The following NAT8L variants were observed in gnomAD, a reference collection of about 807,000 sequenced individuals.
The protein encoded by NAT8L is aspartate N-acetyltransferase, also known as N-acetylaspartate synthetase.
A neutral mutation model predicts 21.2 loss-of-function variants in NAT8L; 6 were observed. The observed-to-expected ratio is 0.28, with a 90% CI of 0.16 to 0.56. The LOEUF is 0.56. Ranked by LOEUF, NAT8L falls within the 20% of genes least tolerant of loss-of-function variation. The pLI, the probability that NAT8L is intolerant of heterozygous loss-of-function variation, is 0.93. For missense variants in NAT8L, 331 were observed against 433.3 expected (o/e 0.76, Z 2.10); for synonymous variants, 239 against 204.9 (o/e 1.17, Z -1.42).
chr4:2,061,220 C>G (rs1340002749), intron 2 of NAT8L, 58 bp downstream of exon 2: 1 of 1,601,188 alleles, frequency 6.2e-7, no homozygotes, highest in African/African-American at 1.3e-5. Context: ...CGGGGGCACG[C>G]ACTCCAGCGA....
In NAT8L at chr4:2,065,656, C is replaced by CGG. The variant is rs1560949698; in HGVS notation, c.*1530_*1531insGG. Reference sequence around the variant, plus strand: ...CAGGGCCATGGAGGGATGCTTCTCACGAGGCGCTTCAGAAGCGAGCGAAGG... The same window carrying CGG: ...CAGGGCCATGGAGGGATGCTTCTCACGGGAGGCGCTTCAGAAGCGAGCGAAGG... On this transcript the variant is annotated 3_prime_UTR_variant, in exon 3 of 3. Coordinates refer to ENST00000423729, the MANE Select transcript of NAT8L (RefSeq NM_178557.4). 6.6e-6 allele frequency: 1 copy of CGG among 152,364 alleles called. No individual in the cohort carries two copies. Among genetic ancestry groups the CGG allele is most frequent in the African/African-American group, 2.4e-5 (1 of 41,420 alleles). The allele number at this position is 152,364 out of a possible 1,614,324, so 9.4% of individuals were successfully genotyped here.
chr4:2,059,741 G>C lies in NAT8L; in HGVS notation c.230G>C (p.Gly77Ala). Residue 77 changes from glycine (G) to alanine (A), a missense_variant, in exon 1 of 3, where the codon GGC becomes GCC. Around this residue, in one of 2 missense-constraint regions of NAT8L, gnomAD observed 199 missense variants for 196.1 expected, o/e 1.01. Coordinates refer to ENST00000423729, the MANE Select transcript of NAT8L (RefSeq NM_178557.4). The surrounding 1 kb of genome is among the most constrained non-coding windows in gnomAD (Gnocchi z 4.8). ...GGCGCGGGGCCGCCGGGGGGGCGCG[G>C]CGTGTGCATCCGCGAGTTCCGTGCG... Reference protein sequence around the residue: ...AGGAGPPGGRGVCIREFRAAE... With the variant: ...AGGAGPPGGRAVCIREFRAAE... The C allele has an allele frequency of 8.2e-7, 1 of 1,225,704 alleles. No homozygotes were observed. The highest frequency in any genetic ancestry group is 1.0e-6 in the Non-Finnish European group (1 of 976,186). 75.9% of individuals were successfully genotyped at this position (1,225,704 alleles called of 1,614,324 possible). A position where few individuals can be genotyped will look rare whatever the true frequency, so the allele number is the denominator to read the frequency against.
In NAT8L at chr4:2,068,394, GTGTA is replaced by G. The variant is rs1375181373; in HGVS notation, c.*4270_*4273del. The stretch of plus-strand genomic sequence containing the variant: ...CATGCACGTGTGTATGAATGTGCGT[GTGTA>G]TGCATGAGCACGTATGCATGTGTGA... On this transcript the variant is annotated 3_prime_UTR_variant, in exon 3 of 3. Transcript: ENST00000423729. 4 of 152,262 alleles carry G rather than the reference GTGTA, an allele frequency of 2.6e-5. No individual in the cohort carries two copies. Among genetic ancestry groups the G allele is most frequent in the Non-Finnish European group, 5.9e-5 (4 of 68,058 alleles). The allele number at this position is 152,262 out of a possible 1,614,324, so 9.4% of individuals were successfully genotyped here. A position where few individuals can be genotyped will look rare whatever the true frequency, so the allele number is the denominator to read the frequency against.
rs368355441 is a variant in NAT8L at position 2,063,965 on chromosome 4, G to A, written c.747G>A (p.Thr249=). ...ACTCCGCGGTGGTGCTGGGCACGAC[G>A]GCCGTCAAGGTGGCCGCCCACAAGC... ...HNYSAVVLGT[T]AVKVAAHKLY... The change falls in exon 3 of 3, where the codon ACG becomes ACA. Residue 249 remains threonine (T), a synonymous_variant. Transcript: ENST00000423729. 56 of 1,611,522 alleles carry A rather than the reference G, an allele frequency of 3.5e-5. No individual in the cohort carries two copies. The highest frequency in any genetic ancestry group is 9.3e-5 in the African/African-American group (7 of 74,920).
Position 2,063,718 on chromosome 4 carries a change from G to A in NAT8L, c.542-42G>A, listed in dbSNP as rs376448395. On this transcript the variant is annotated intron_variant, in intron 2 of 2. Coordinates refer to ENST00000423729, the MANE Select transcript of NAT8L (RefSeq NM_178557.4). ...CCCCAGAGGTGGAGGGGTCTCCCCA[G>A]CCTTCCTCACCGGGTGTCCCTGACC... 2.5e-6 allele frequency: 4 copies of A among 1,605,254 alleles called. No individual in the cohort carries two copies. The African/African-American group carries it at 5.3e-5, about 21-fold the overall frequency.
chr4:2,063,614 G>A lies in NAT8L; in HGVS notation c.542-146G>A, dbSNP rs370998558. 7.9e-5 allele frequency: 115 copies of A among 1,460,370 alleles called. 1 individual carries two copies. Among genetic ancestry groups the A allele is most frequent in the Admixed American group, 4.5e-4 (26 of 57,332 alleles). 90.5% of individuals were successfully genotyped at this position (1,460,370 alleles called of 1,614,324 possible). On this transcript the variant is annotated intron_variant, in intron 2 of 2. Coordinates refer to ENST00000423729, the MANE Select transcript of NAT8L (RefSeq NM_178557.4). ...CCAGCAGAGCTGGTAGCTAGGCCCC[G>A]GGGGCTGCCGGGATTGGGTGTCCCA...
rs879499671 is a variant in NAT8L, at chr4:2,064,179, G to A, written c.*52G>A. 46 of 1,194,510 alleles carry A rather than the reference G, an allele frequency of 3.9e-5. No individual in the cohort carries two copies. The highest frequency in any genetic ancestry group is 8.4e-5 in the East Asian group (2 of 23,892). The allele number at this position is 1,194,510 out of a possible 1,614,324, so 74.0% of individuals were successfully genotyped here. A position where few individuals can be genotyped will look rare whatever the true frequency, so the allele number is the denominator to read the frequency against. On this transcript the variant is annotated 3_prime_UTR_variant, in exon 3 of 3. Coordinates refer to ENST00000423729, the MANE Select transcript of NAT8L (RefSeq NM_178557.4). The stretch of plus-strand genomic sequence containing the variant: ...CCGGCCGCCCTGTCCGCCTTTGCCC[G>A]CCTGCCCGCCGCCCGGCGCGGCCTG...
rs558730343 is a variant in NAT8L at position 2,063,171 on chromosome 4, C to T, written c.542-589C>T. ...CACTTGGATTTATAGGAAAGCTCCTCCTGGGCTGCAGGGAGCCTTCTGGAC... is the reference window on the plus strand; with the variant it reads ...CACTTGGATTTATAGGAAAGCTCCTTCTGGGCTGCAGGGAGCCTTCTGGAC... On this transcript the variant is annotated intron_variant, in intron 2 of 2. Transcript: ENST00000423729. Among the ~76,000 whole-genome samples, 194 of 152,388 alleles carry T rather than the reference C, an allele frequency of 1.3e-3. 1 individual carries two copies. Among genetic ancestry groups the T allele is most frequent in the African/African-American group, 4.4e-3 (184 of 41,598 alleles).
chr4:2,061,813 G>T (rs1362575354), intron 2 of NAT8L, among the ~76,000 whole-genome samples: 1 of 152,186 alleles, frequency 6.6e-6, no homozygotes, highest in Non-Finnish European at 1.5e-5. Context: ...GCTCTCTGGG[G>T]TGGGAGGCTC....
rs930724299 is a variant in NAT8L at position 2,059,335 on chromosome 4, G to T, written c.-177G>T. Among the ~76,000 whole-genome samples the T allele has an allele frequency of 6.9e-6, 1 of 144,982 alleles. No individual in the cohort carries two copies. Among genetic ancestry groups the T allele is most frequent in the African/African-American group, 2.5e-5 (1 of 40,434 alleles). On this transcript the variant is annotated 5_prime_UTR_variant, in exon 1 of 3. Transcript: ENST00000423729. The surrounding 1 kb of genome is among the most constrained non-coding windows in gnomAD (Gnocchi z 4.8). ...CAAAATGCGGCGCAGCTCCCTGCGC[G>T]CGCCCCGGCCGCCCGCCGCCTCCGC...
Position 2,059,885 on chromosome 4 carries a change from C to T in NAT8L, c.374C>T (p.Ala125Val). Residue 125 changes from alanine (A) to valine (V), a missense_variant and splice_region_variant, in exon 1 of 3, where the codon GCG becomes GTG. Transcript: ENST00000423729. This position sits in a 1 kb window ranked among gnomAD's most constrained non-coding sequence, Gnocchi z 4.8. Reference sequence around the variant, plus strand: ...GCGCAGCTGCTCTACGCCCTGCTGGCGGGTCAGTGCGCCGGGCCCCCGGCT... The same window carrying T: ...GCGCAGCTGCTCTACGCCCTGCTGGTGGGTCAGTGCGCCGGGCCCCCGGCT... ...PRAQLLYALL[A>V]ALCFAVSRSL... The T allele has an allele frequency of 7.6e-7, 1 of 1,316,088 alleles. No individual in the cohort carries two copies. Among genetic ancestry groups the T allele is most frequent in the Non-Finnish European group, 9.8e-7 (1 of 1,020,824 alleles). 81.5% of individuals were successfully genotyped at this position (1,316,088 alleles called of 1,614,324 possible). A position where few individuals can be genotyped will look rare whatever the true frequency, so the allele number is the denominator to read the frequency against.
intron 2 of NAT8L, among the ~76,000 whole-genome samples, chr4:2,061,747 C>T (rs561358988): frequency 2.0e-5 from 3 of 152,322 alleles, no homozygotes; most frequent in African/African-American, 7.2e-5. Flanking sequence ...GGCTGGCCCC[C>T]AGCCGCTGAG....
rs976841549 is a variant in NAT8L, at chr4:2,069,029, T to G, written c.*4902T>G. 1 of 152,072 alleles carries G rather than the reference T, an allele frequency of 6.6e-6. No homozygotes were observed. The highest frequency in any genetic ancestry group is 2.4e-5 in the African/African-American group (1 of 41,364). The allele number at this position is 152,072 out of a possible 1,614,324, so 9.4% of individuals were successfully genotyped here. On this transcript the variant is annotated 3_prime_UTR_variant, in exon 3 of 3. Transcript: ENST00000423729. ...GCTGCGGGGGCCGGGGGTGGGTGTG[T>G]GCCCCTCCCCTGAATGGCCCCCAAT...
At position 2,060,354 on chromosome 4, in the gene NAT8L, C is replaced by T. The variant is rs1382571516; in HGVS notation, c.376+467C>T. Among the ~76,000 whole-genome samples, 3 of 152,214 alleles carry T rather than the reference C, an allele frequency of 2.0e-5. No homozygotes were observed. Among genetic ancestry groups the T allele is most frequent in the Non-Finnish European group, 4.4e-5 (3 of 68,028 alleles). On this transcript the variant is annotated intron_variant, in intron 1 of 2. Coordinates refer to ENST00000423729, the MANE Select transcript of NAT8L (RefSeq NM_178557.4). This position sits in a 1 kb window ranked among gnomAD's most constrained non-coding sequence, Gnocchi z 4.7. ...GGGCGGTCGCAGAGGGCGGCCCCTT[C>T]AGCGTCTTTGGGTGCCCTTCCCCTC...
chr4:2,068,687 G>C lies in NAT8L; in HGVS notation c.*4560G>C, dbSNP rs956030582. ...TACTTGCATATATGTGGCTGTGCAGGTACCCGGCGGTGGTGGGCTGGCAGT... is the reference window on the plus strand; with the variant it reads ...TACTTGCATATATGTGGCTGTGCAGCTACCCGGCGGTGGTGGGCTGGCAGT... On this transcript the variant is annotated 3_prime_UTR_variant, in exon 3 of 3. Coordinates refer to ENST00000423729, the MANE Select transcript of NAT8L (RefSeq NM_178557.4). The C allele has an allele frequency of 1.3e-5, 2 of 152,382 alleles. No individual in the cohort carries two copies. Among genetic ancestry groups the C allele is most frequent in the Admixed American group, 1.3e-4 (2 of 15,302 alleles). 9.4% of individuals were successfully genotyped at this position (152,382 alleles called of 1,614,324 possible).
intron 2 of NAT8L, among the ~76,000 whole-genome samples, chr4:2,061,939 G>A (rs538169085): frequency 3.3e-5 from 5 of 152,278 alleles, no homozygotes; most frequent in Admixed American, 6.5e-5. Context: ...GTCTGGCACC[G>A]CTGGCTGCCA....
intron 2 of NAT8L, among the ~76,000 whole-genome samples, chr4:2,063,047 C>G (rs900345682): frequency 6.6e-6 from 1 of 152,262 alleles, no homozygotes; most frequent in African/African-American, 2.4e-5. Flanking sequence ...GTGCCTGACT[C>G]GAGGTGAGAA....
rs893377907 is a variant in NAT8L at position 2,068,123 on chromosome 4, T to C, written c.*3996T>C. On this transcript the variant is annotated 3_prime_UTR_variant, in exon 3 of 3. Transcript: ENST00000423729. ...CTGTGTGTGTGCATGTGCACGTGTT[T>C]GAGCGTGTGTGTGTGTGCAAGTGGG... 3.8e-4 allele frequency: 18 copies of C among 46,954 alleles called. No homozygotes were observed. Among genetic ancestry groups the C allele is most frequent in the African/African-American group, 9.3e-4 (18 of 19,256 alleles). The allele number at this position is 46,954 out of a possible 1,614,324, so 2.9% of individuals were successfully genotyped here.
Position 2,066,555 on chromosome 4 carries a change from T to TGGGC in NAT8L, c.*2429_*2432dup, listed in dbSNP as rs1730003456. The TGGGC allele has an allele frequency of 6.6e-6, 1 of 152,046 alleles. No homozygotes were observed. The highest frequency in any genetic ancestry group is 2.1e-4 in the South Asian group (1 of 4,830). The allele number at this position is 152,046 out of a possible 1,614,324, so 9.4% of individuals were successfully genotyped here. ...GGCTGGAGGCCGGGTGCCTGGTGGG[T>TGGGC]GGGCCTGACCTGGCCCACCTCATCC... On this transcript the variant is annotated 3_prime_UTR_variant, in exon 3 of 3. Coordinates refer to ENST00000423729, the MANE Select transcript of NAT8L (RefSeq NM_178557.4).
Sources: allele counts gnomAD v4.1 joint callset (sites outside exome capture counted in the v4.1 genomes callset), GRCh38; gene constraint gnomAD v4.1.1; regional missense constraint gnomAD v4.1.1; non-coding constraint Gnocchi (gnomAD v3.1); transcripts MANE v1.5; gene names NCBI Gene and HGNC (gene_info 2026-07-23, HGNC 2026-07-21).